The following TRIQK variants were observed in gnomAD, a reference collection of about 807,000 sequenced individuals.
TRIQK encodes the protein triple QxxK/R motif containing.
TRIQK carries 10 observed loss-of-function variants against 10.8 expected under a neutral mutation model. The ratio of observed to expected loss-of-function variants is 0.92; its 90% CI spans 0.57 to 1.57. The LOEUF (loss-of-function observed/expected upper bound fraction) is 1.57, where lower values mean the gene tolerates loss of function less well. Ranked by LOEUF, TRIQK falls within the 40% of genes most tolerant of loss-of-function variation. TRIQK has a pLI of 0.00. For missense variants in TRIQK, 107 were observed against 97.7 expected (o/e 1.09, Z -0.40); for synonymous variants, 33 against 33.7 (o/e 0.98, Z 0.07).
chr8:92,989,179 C>T (rs1322447332), intron 1 of TRIQK, among the ~76,000 whole-genome samples: 2 of 152,214 alleles, frequency 1.3e-5, no homozygotes, highest in African/African-American at 4.8e-5. Flanking sequence ...AACCACAGCT[C>T]ATTCCCAAAA....
chr8:92,908,534 T>C (rs888273316), intron 3 of TRIQK, among the ~76,000 whole-genome samples: 2 of 152,164 alleles, frequency 1.3e-5, no homozygotes, highest in African/African-American at 2.4e-5. Flanking sequence ...ATTCATTGTC[T>C]TTTATTTGTG....
At chr8:92,887,005 T>C (rs2130225172) in intron 4 of TRIQK, 1 of 216,604 alleles carries the variant, frequency 4.6e-6, no homozygotes, top group East Asian at 1.1e-4. Flanking sequence ...ATATTAAAAA[T>C]GTATCATTTT....
intron 1 of TRIQK, among the ~76,000 whole-genome samples, chr8:92,991,985 C>T (rs1040226327): frequency 1.3e-5 from 2 of 152,164 alleles, no homozygotes; most frequent in African/African-American, 4.8e-5. Context: ...CTACAAACCA[C>T]TGCTCAACGA....
intron 3 of TRIQK, among the ~76,000 whole-genome samples, chr8:92,912,194 A>G (rs1809606907): frequency 6.6e-6 from 1 of 151,756 alleles, no homozygotes; most frequent in African/African-American, 2.4e-5. Context: ...AAGTTTTAAC[A>G]GATTTAAGAA....
chr8:92,898,999 CTT>C (rs574697131), intron 3 of TRIQK, among the ~76,000 whole-genome samples: 5 of 139,962 alleles, frequency 3.6e-5, no homozygotes, highest in African/African-American at 1.3e-4. Flanking sequence ...GATTATACTA[CTT>C]TTTTTTTTTT....
intron 1 of TRIQK, among the ~76,000 whole-genome samples, chr8:92,988,396 A>T (rs763384135): frequency 3.3e-5 from 5 of 152,116 alleles, no homozygotes; most frequent in Non-Finnish European, 5.9e-5. Context: ...TTAAATGAAA[A>T]GAAAAGTATG....
At chr8:92,950,317 G>C (rs1811828323) in intron 2 of TRIQK, among the ~76,000 whole-genome samples, 1 of 152,058 alleles carries the variant, frequency 6.6e-6, no homozygotes, top group South Asian at 2.1e-4. Context: ...GATATTTACT[G>C]TGAGAACCTA....
intron 1 of TRIQK, among the ~76,000 whole-genome samples, chr8:93,012,800 G>T (rs1332125083): frequency 6.6e-6 from 1 of 152,160 alleles, no homozygotes; most frequent in African/African-American, 2.4e-5. Context: ...TAATGCAGTG[G>T]CTTTCTCAAA....
intron 1 of TRIQK, among the ~76,000 whole-genome samples, chr8:92,997,376 G>A (rs548259387): frequency 1.2e-4 from 19 of 152,140 alleles, no homozygotes; most frequent in South Asian, 1.2e-3. Flanking sequence ...AAGGGCAACC[G>A]AAACCCTATC....
chr8:92,990,606 G>A (rs575284223), intron 1 of TRIQK, among the ~76,000 whole-genome samples: 1 of 152,256 alleles, frequency 6.6e-6, no homozygotes, highest in East Asian at 1.9e-4. Flanking sequence ...CAGAGGGCAA[G>A]CTGAAGCAGC....
At chr8:93,001,096 A>G (rs1183455854) in intron 1 of TRIQK, among the ~76,000 whole-genome samples, 1 of 152,130 alleles carries the variant, frequency 6.6e-6, no homozygotes, top group East Asian at 1.9e-4. Flanking sequence ...GCATGAGGTC[A>G]GGAGATCAAG....
At chr8:92,919,383 A>G (rs1028560752) in intron 2 of TRIQK, among the ~76,000 whole-genome samples, 1 of 151,892 alleles carries the variant, frequency 6.6e-6, no homozygotes, top group Admixed American at 6.6e-5. Context: ...CTTTTTCAGC[A>G]TCTACTGAAA....
At chr8:92,967,870 A>T (rs1290096832), upstream of TRIQK, among the ~76,000 whole-genome samples, 1 of 150,674 alleles carries the variant, frequency 6.6e-6, no homozygotes, top group Non-Finnish European at 1.5e-5. Context: ...AGAAAGAGTT[A>T]TGATTATATA....
intron 1 of TRIQK, among the ~76,000 whole-genome samples, chr8:93,009,939 A>T (rs1037374770): frequency 6.6e-6 from 1 of 152,208 alleles, no homozygotes; most frequent in African/African-American, 2.4e-5. Context: ...CTATTCAGAC[A>T]TAAAAAAATA....
chr8:92,993,600 T>C (rs141638778), intron 1 of TRIQK, among the ~76,000 whole-genome samples: 3 of 152,182 alleles, frequency 2.0e-5, no homozygotes, highest in African/African-American at 7.2e-5. Context: ...TGCCATCAGG[T>C]AGGCAGAATA....
rs1272052828 is a variant in TRIQK at position 92,922,093 on chromosome 8, T to C, written c.-21-5083A>G. The stretch of plus-strand genomic sequence containing the variant: ...CAAAGTCAAATAAGTTAAATTTTCA[T>C]CTCTAATAAACCATGTAGTTATTAC... On this transcript the variant is annotated intron_variant, in intron 2 of 4. Transcript: ENST00000521988. Among the ~76,000 whole-genome samples, 5 of 151,792 alleles carry C rather than the reference T, an allele frequency of 3.3e-5. No homozygotes were observed. In the East Asian group the frequency reaches 7.7e-4, roughly 23 times the overall value.
chr8:92,956,143 A>G (rs1563660001), intron 1 of TRIQK, among the ~76,000 whole-genome samples: 1 of 151,852 alleles, frequency 6.6e-6, no homozygotes. Context: ...GCCAAAAAGT[A>G]GAAATAACTC....
At chr8:92,989,607 C>A (rs1281112469) in intron 1 of TRIQK, among the ~76,000 whole-genome samples, 2 of 152,156 alleles carry the variant, frequency 1.3e-5, no homozygotes, top group Non-Finnish European at 2.9e-5. Flanking sequence ...CAACTAGTTG[C>A]AGGAAAACAA....
chr8:92,893,811 T>TG (rs1816877920), intron 3 of TRIQK, among the ~76,000 whole-genome samples: 1 of 142,416 alleles, frequency 7.0e-6, no homozygotes, highest in Non-Finnish European at 1.5e-5. Context: ...TCTTGTTTTA[T>TG]CCTGTATATG....
Sources: gnomAD v4.1 joint callset for allele counts (sites outside exome capture counted in the v4.1 genomes callset) on GRCh38, gnomAD v4.1.1 for gene constraint, MANE v1.5 for transcripts, NCBI Gene and HGNC (gene_info 2026-07-23, HGNC 2026-07-21) for gene names.